NFU1: variants seen among roughly 807,000 people sequenced by gnomAD.
NFU1 encodes NFU1 iron-sulfur cluster scaffold.
NFU1 carries 30 observed loss-of-function variants against 32.2 expected under a neutral mutation model. That is an observed-to-expected ratio of 0.93 (90% CI 0.70 to 1.26). The LOEUF (loss-of-function observed/expected upper bound fraction) is 1.26, where lower values mean the gene tolerates loss of function less well. NFU1 is among the 50% of genes most tolerant of loss of function. The pLI is 0.00. For synonymous variants in NFU1, 112 were observed against 104.6 expected, an observed-to-expected ratio of 1.07 and a Z score of -0.43; for missense variants, 306 against 306.6, an observed-to-expected ratio of 1.00 and a Z score of 0.02.
chr2:69,435,670 G>A (rs1673806215), intron 1 of NFU1, among the ~76,000 whole-genome samples: 1 of 152,110 alleles, frequency 6.6e-6, no homozygotes, highest in Admixed American at 6.6e-5. Flanking sequence ...ACACTGAATG[G>A]GAATCAAATA....
intron 4 of NFU1, among the ~76,000 whole-genome samples, chr2:69,419,306 G>A (rs551009455): frequency 5.9e-5 from 9 of 151,898 alleles, no homozygotes; most frequent in African/African-American, 1.7e-4. Flanking sequence ...CAGCCTGGGG[G>A]ACAAGAGCAA....
chr2:69,400,971 A>G (rs1672505197), intron 6 of NFU1, among the ~76,000 whole-genome samples: 1 of 152,168 alleles, frequency 6.6e-6, no homozygotes, highest in Middle Eastern at 3.2e-3. Context: ...TTTTTAAATA[A>G]AACAATATTT....
Position 69,437,377 on chromosome 2 carries a change from C to G in NFU1, c.46G>C (p.Ala16Pro). 1.9e-6 allele frequency: 3 copies of G among 1,608,462 alleles called. No homozygotes were observed. Among genetic ancestry groups the G allele is most frequent in the South Asian group, 1.1e-5 (1 of 90,846 alleles). Residue 16 changes from alanine to proline, a missense_variant, in exon 1 of 8, where the codon GCC becomes CCC. Coordinates refer to ENST00000410022, the MANE Select transcript of NFU1 (RefSeq NM_001002755.4). ...RRGWGAAAVAAGLRRRFCHML... is the reference protein window; with the variant it reads ...RRGWGAAAVAPGLRRRFCHML... ...GTCACCTACCGCCTGCGCAGCCCGG[C>G]GGCAACAGCCGCAGCTCCCCAGCCC...
At chr2:69,427,068 AAAAG>A (rs199900917) in intron 2 of NFU1, among the ~76,000 whole-genome samples, 87,984 of 141,498 alleles carry the variant, frequency 0.62, 27,380 homozygotes, top group African/African-American at 0.75. Context: ...TCAAAAAAAA[AAAAG>A]AAAGAAAGAA....
chr2:69,396,468 T>C (rs1574103756), intron 7 of NFU1, among the ~76,000 whole-genome samples, 178 bp from the exon 8 acceptor site: 1 of 152,048 alleles, frequency 6.6e-6, no homozygotes, highest in Non-Finnish European at 1.5e-5. Flanking sequence ...CCCGGTATCC[T>C]AAAAACATAA....
intron 5 of NFU1, 50 bp downstream of exon 5, chr2:69,415,135 G>C (rs763302368): frequency 1.0e-6 from 1 of 978,578 alleles, no homozygotes; most frequent in Non-Finnish European, 1.6e-6. Flanking sequence ...GAAGAAAATA[G>C]AAAAGTCTAA....
chr2:69,428,289 G>A (rs1472835655), intron 2 of NFU1, among the ~76,000 whole-genome samples: 1 of 152,072 alleles, frequency 6.6e-6, no homozygotes, highest in African/African-American at 2.4e-5. Flanking sequence ...GCCAGGTGTG[G>A]TGATGTGCGC....
At position 69,400,705 on chromosome 2, in the gene NFU1, A is replaced by AT. The variant is rs61684281; in HGVS notation, c.546-168dup. On this transcript the variant is annotated intron_variant, in intron 6 of 7. Coordinates refer to ENST00000410022, the MANE Select transcript of NFU1 (RefSeq NM_001002755.4). ...GTGGCTAAGTTTTATTTAGAATTAA[A>AT]TTTTTTTTTTTTACTCTCAGGTAAA... Among the ~76,000 whole-genome samples the AT allele has an allele frequency of 0.44, 65,606 of 149,892 alleles. 14,385 individuals carry two copies. Among genetic ancestry groups the AT allele is most frequent in the African/African-American group, 0.5 (20,451 of 40,948 alleles).
intron 2 of NFU1, among the ~76,000 whole-genome samples, chr2:69,427,053 A>G (rs1574146995): frequency 7.9e-6 from 1 of 127,124 alleles, no homozygotes; most frequent in African/African-American, 3.4e-5. Flanking sequence ...GAGAGAGACT[A>G]GGTCTCAAAA....
intron 2 of NFU1, among the ~76,000 whole-genome samples, chr2:69,428,224 A>T (rs1673529625): frequency 6.6e-6 from 1 of 152,136 alleles, no homozygotes; most frequent in Non-Finnish European, 1.5e-5. Context: ...CAGGAGTTCG[A>T]GAACAGCCTG....
chr2:69,415,794 C>T (rs764030296), intron 4 of NFU1, among the ~76,000 whole-genome samples: 12 of 151,992 alleles, frequency 7.9e-5, no homozygotes, highest in Non-Finnish European at 1.6e-4. Flanking sequence ...GCAGGGATTA[C>T]AGGCGTGAGC....
Position 69,437,246 on chromosome 2 carries a change from C to G in NFU1, c.62+115G>C, listed in dbSNP as rs1458370707. The G allele has an allele frequency of 3.3e-6, 5 of 1,498,420 alleles. No individual in the cohort carries two copies. The African/African-American group carries it at 6.9e-5, about 21-fold the overall frequency. The allele number at this position is 1,498,420 out of a possible 1,614,324, so 92.8% of individuals were successfully genotyped here. A position where few individuals can be genotyped will look rare whatever the true frequency, so the allele number is the denominator to read the frequency against. On this transcript the variant is annotated intron_variant, in intron 1 of 7. Transcript: ENST00000410022. Reference sequence around the variant, plus strand: ...AACTACGGCGACAGGGCGGACCCGCCGGCTCCATCAGATGCACTACCCACC... The same window carrying G: ...AACTACGGCGACAGGGCGGACCCGCGGGCTCCATCAGATGCACTACCCACC...
rs188970583 is a variant in NFU1, at chr2:69,430,713, T to C, written c.166+1189A>G. On this transcript the variant is annotated intron_variant, in intron 2 of 7. Coordinates refer to ENST00000410022, the MANE Select transcript of NFU1 (RefSeq NM_001002755.4). ...ATTAAAGTGGTTTAATCAGCTGAGT[T>C]ACTCAGTATTTACAATATTTATATC... 4.7e-3 allele frequency among the ~76,000 whole-genome samples: 715 copies of C among 152,354 alleles called. 10 individuals are homozygous for C. The highest frequency in any genetic ancestry group is 0.011 in the Admixed American group (174 of 15,304).
chr2:69,439,062 A>G (rs1203908054), upstream of NFU1, among the ~76,000 whole-genome samples: 1 of 151,932 alleles, frequency 6.6e-6, no homozygotes, highest in African/African-American at 2.4e-5. Flanking sequence ...CATAAGAAAA[A>G]TCCTGCCTTG....
intron 4 of NFU1, among the ~76,000 whole-genome samples, 183 bp from the exon 5 acceptor site, chr2:69,415,482 C>T (rs533279530): frequency 1.3e-5 from 2 of 151,606 alleles, no homozygotes; most frequent in Non-Finnish European, 2.9e-5. Flanking sequence ...TGGGTTCAAG[C>T]GATTCTCCTG....
intron 2 of NFU1, among the ~76,000 whole-genome samples, chr2:69,428,838 C>T (rs1449074765): frequency 6.6e-6 from 1 of 152,138 alleles, no homozygotes. Context: ...TACAAAAATG[C>T]TTTTCTTAGT....
chr2:69,413,920 G>T (rs759003128), intron 5 of NFU1, among the ~76,000 whole-genome samples: 3 of 151,684 alleles, frequency 2.0e-5, no homozygotes, highest in Admixed American at 2.0e-4. Flanking sequence ...GGTGGTGGGC[G>T]CCTGTAATAC....
intron 1 of NFU1, among the ~76,000 whole-genome samples, chr2:69,434,528 A>C (rs944621766): frequency 6.6e-6 from 1 of 152,242 alleles, no homozygotes; most frequent in South Asian, 2.1e-4. Context: ...AGAAAATGAA[A>C]GCAAATATTA....
chr2:69,436,673 G>A (rs1410634308), intron 1 of NFU1, among the ~76,000 whole-genome samples: 1 of 152,144 alleles, frequency 6.6e-6, no homozygotes, highest in Non-Finnish European at 1.5e-5. Context: ...TACTCTAGAG[G>A]GCAAACTCTC....
Sources: gnomAD v4.1 joint callset for allele counts (sites outside exome capture counted in the v4.1 genomes callset) on GRCh38, gnomAD v4.1.1 for gene constraint, MANE v1.5 for transcripts, NCBI Gene and HGNC (gene_info 2026-07-23, HGNC 2026-07-21) for gene names.